The following OGA variants were observed in gnomAD, a reference collection of about 807,000 sequenced individuals.
OGA encodes O-GlcNAcase, also known as protein O-GlcNAcase.
A neutral mutation model predicts 102.0 loss-of-function variants in OGA; 21 were observed. The observed-to-expected ratio is 0.21, with a 90% confidence interval of 0.15 to 0.30. The LOEUF (loss-of-function observed/expected upper bound fraction) is 0.30, where lower values mean the gene tolerates loss of function less well. Among genes scored for constraint, OGA ranks in the 10% least tolerant of loss-of-function variants. The probability of loss-of-function intolerance (pLI) is 1.00; values close to 1 mark genes in which losing one functional copy is unlikely to be tolerated. For missense variants in OGA, 765 were observed against 1,107.8 expected (o/e 0.69, Z 4.39); for synonymous variants, 408 against 378.2 (o/e 1.08, Z -0.91).
rs752933512 is a variant in OGA, at chr10:101,803,731, T to C, written c.1036+4A>G. On this transcript the variant is annotated splice_donor_region_variant and intron_variant, in intron 7 of 15. Transcript: ENST00000361464. ...AGGTGAAAGATCAAGTACAGGCTAC[T>C]TACTCATCACTACATCTTTTCTCAC... 3.1e-6 allele frequency: 5 copies of C among 1,612,736 alleles called. No individual in the cohort carries two copies. Among genetic ancestry groups the C allele is most frequent in the Non-Finnish European group, 4.2e-6 (5 of 1,178,928 alleles).
intron 4 of OGA, among the ~76,000 whole-genome samples, chr10:101,808,949 G>A (rs1451304497): frequency 3.3e-5 from 5 of 151,490 alleles, no homozygotes; most frequent in African/African-American, 9.7e-5. Context: ...CAGCCTGGGC[G>A]ACAGAGCAAG....
At position 101,792,855 on chromosome 10, in the gene OGA, T is replaced by C; in HGVS notation, c.2159A>G (p.Tyr720Cys). The stretch of plus-strand genomic sequence containing the variant: ...GACAATTACCTCATCCTTAGGAAAA[T>C]AAGGTCTGATAGTATAAACTTTGGA... ...PTSKVYTIRP[Y>C]FPKDEASVYK... The change falls in exon 12 of 16, where the codon TAT becomes TGT. Residue 720 changes from tyrosine to cysteine, a missense_variant. Tyr to Cys is a radical substitution (Grantham distance 194). This residue lies in a region of OGA where 146 missense variants were observed against 269.7 expected (regional missense o/e 0.54). Coordinates refer to ENST00000361464, the MANE Select transcript of OGA (RefSeq NM_012215.5). The C allele has an allele frequency of 6.2e-7, 1 of 1,603,408 alleles. No homozygotes were observed. The highest frequency in any genetic ancestry group is 8.5e-7 in the Non-Finnish European group (1 of 1,170,474).
intron 3 of OGA, among the ~76,000 whole-genome samples, chr10:101,811,374 G>C (rs2065553425): frequency 8.8e-6 from 1 of 113,712 alleles, no homozygotes; most frequent in African/African-American, 3.4e-5. Flanking sequence ...GGACGACACA[G>C]CAAGACTCCA....
intron 2 of OGA, 134 bp downstream of exon 2, chr10:101,813,421 C>T: frequency 1.6e-6 from 1 of 630,372 alleles, no homozygotes; most frequent in Non-Finnish European, 2.7e-6. Context: ...AAAAAGGGAC[C>T]AAGGTAAAAT....
intron 8 of OGA, 53 bp downstream of exon 8, chr10:101,800,189 T>C: frequency 6.4e-7 from 1 of 1,562,902 alleles, no homozygotes; most frequent in Admixed American, 1.7e-5. Context: ...GTTCTTTACT[T>C]TGTGACTCAA....
At chr10:101,813,715 TA>T (rs1007439780) in intron 1 of OGA, 109 bp from the exon 2 acceptor site, 2 of 571,500 alleles carry the variant, frequency 3.5e-6, no homozygotes, top group Non-Finnish European at 6.1e-6. Context: ...GTAAAAAGCA[TA>T]AAATACACCA....
intron 14 of OGA, among the ~76,000 whole-genome samples, chr10:101,788,421 GAAA>G (rs767434249): frequency 1.2e-4 from 12 of 102,262 alleles, no homozygotes; most frequent in Admixed American, 2.1e-4. Flanking sequence ...CCTGGGCGGG[GAAA>G]AAAAAAAAAA....
rs1589819072 is a variant in OGA at position 101,784,835 on chromosome 10, C to G, written c.*1616G>C. ...TCTGGTAAGAGTCTTCCCTTCATCT[C>G]AAGCCCTCAAAAATGCAAACTTGGT... On this transcript the variant is annotated 3_prime_UTR_variant, in exon 16 of 16. Transcript: ENST00000361464. The G allele has an allele frequency of 6.6e-6, 1 of 152,336 alleles. No homozygotes were observed. Among genetic ancestry groups the G allele is most frequent in the East Asian group, 1.9e-4 (1 of 5,190 alleles). 9.4% of individuals were successfully genotyped at this position (152,336 alleles called of 1,614,324 possible).
rs748713442 is a variant in OGA at position 101,813,100 on chromosome 10, G to A, written c.279C>T (p.Tyr93=). The A allele has an allele frequency of 1.2e-5, 20 of 1,612,292 alleles. No individual in the cohort carries two copies. The highest frequency in any genetic ancestry group is 1.7e-5 in the Non-Finnish European group (20 of 1,179,206). Residue 93 remains tyrosine, a synonymous_variant, in exon 3 of 16, where the codon TAC becomes TAT. Coordinates refer to ENST00000361464, the MANE Select transcript of OGA (RefSeq NM_012215.5). ...RRLQKWELNT[Y]LYAPKDDYKH... ...TGTAGTCATCTTTTGGGGCATACAAGTATGTATTTAATTCCCATTTCTGGA... is the reference window on the plus strand; with the variant it reads ...TGTAGTCATCTTTTGGGGCATACAAATATGTATTTAATTCCCATTTCTGGA...
chr10:101,799,923 A>T (rs528649674), intron 8 of OGA, among the ~76,000 whole-genome samples: 26 of 152,258 alleles, frequency 1.7e-4, no homozygotes, highest in African/African-American at 5.8e-4. Flanking sequence ...CCCAGGCTGG[A>T]GTACAGTGGC....
intron 1 of OGA, among the ~76,000 whole-genome samples, chr10:101,817,522 G>A (rs2065650660): frequency 1.3e-5 from 2 of 152,136 alleles, no homozygotes; most frequent in Admixed American, 1.3e-4. Context: ...GTACAAAGAA[G>A]TAGAACTCAG....
intron 2 of OGA, among the ~76,000 whole-genome samples, 174 bp from the exon 3 acceptor site, chr10:101,813,301 T>C (rs1309060195): frequency 6.6e-6 from 1 of 152,208 alleles, no homozygotes; most frequent in Non-Finnish European, 1.5e-5. Context: ...TTACAATGTA[T>C]GCCAACATAC....
intron 10 of OGA, chr10:101,796,935 T>C (rs774104424): frequency 6.6e-6 from 1 of 152,108 alleles, no homozygotes; most frequent in Non-Finnish European, 1.5e-5. Context: ...CTCTTCTACC[T>C]GTTATTACAG....
intron 15 of OGA, 44 bp downstream of exon 15, chr10:101,787,320 C>T: frequency 1.3e-6 from 2 of 1,516,078 alleles, no homozygotes; most frequent in Non-Finnish European, 1.8e-6. Flanking sequence ...TAGTTCTTTC[C>T]CTATCTTGCC....
At chr10:101,797,589 C>T (rs540975632) in intron 10 of OGA, 5 of 311,316 alleles carry the variant, frequency 1.6e-5, no homozygotes, top group South Asian at 5.1e-5. Context: ...TTCTGTTAAA[C>T]ATAGCATTAA....
At chr10:101,811,063 T>G (rs1421761199) in intron 3 of OGA, among the ~76,000 whole-genome samples, 4 of 151,764 alleles carry the variant, frequency 2.6e-5, no homozygotes, top group Admixed American at 6.6e-5. Flanking sequence ...ACATAACTAC[T>G]TTATAATATG....
chr10:101,805,657 A>G (rs1251845165), intron 6 of OGA, among the ~76,000 whole-genome samples: 1 of 143,884 alleles, frequency 7.0e-6, no homozygotes, highest in Non-Finnish European at 1.5e-5. Context: ...CTCTGTCTCA[A>G]AAAAAAAAAA....
At chr10:101,795,448 A>C (rs2065303277) in intron 10 of OGA, among the ~76,000 whole-genome samples, 1 of 152,238 alleles carries the variant, frequency 6.6e-6, no homozygotes, top group African/African-American at 2.4e-5. Context: ...TCCATCCAAT[A>C]GTAGTAGACA....
At chr10:101,791,971 C>T (rs965273432) in intron 12 of OGA, among the ~76,000 whole-genome samples, 2 of 152,056 alleles carry the variant, frequency 1.3e-5, no homozygotes, top group East Asian at 3.9e-4. Flanking sequence ...GGATTACAGG[C>T]ACCCGCCACC....
Sources: allele counts gnomAD v4.1 joint callset (sites outside exome capture counted in the v4.1 genomes callset), GRCh38; gene constraint gnomAD v4.1.1; regional missense constraint gnomAD v4.1.1; transcripts MANE v1.5; gene names NCBI Gene and HGNC (gene_info 2026-07-23, HGNC 2026-07-21).